BTBD16: variants seen among roughly 807,000 people sequenced by gnomAD.
BTBD16 encodes the protein BTB domain containing 16.
BTBD16 carries 66 observed loss-of-function variants against 67.4 expected under a neutral mutation model. The ratio of observed to expected loss-of-function variants is 0.98; its 90% CI spans 0.80 to 1.20. BTBD16 has a LOEUF of 1.20. Ranked by LOEUF, BTBD16 falls within the 50% of genes most tolerant of loss-of-function variation. BTBD16 has a pLI of 0.00. For missense variants in BTBD16, 634 were observed against 616.0 expected (o/e 1.03, Z -0.31); for synonymous variants, 242 against 236.4 (o/e 1.02, Z -0.22).
intron 10 of BTBD16, among the ~76,000 whole-genome samples, chr10:122,328,517 G>C (rs996918006): frequency 2.0e-5 from 3 of 152,182 alleles, no homozygotes; most frequent in Admixed American, 6.5e-5. Flanking sequence ...AAACGGTTCC[G>C]GGAAAGCTGG....
intron 13 of BTBD16, 194 bp downstream of exon 13, chr10:122,332,707 C>G: frequency 4.3e-6 from 3 of 693,902 alleles, no homozygotes; most frequent in Non-Finnish European, 5.3e-6. Context: ...GGGCCTGGGG[C>G]GGGCCATTTA....
intron 9 of BTBD16, among the ~76,000 whole-genome samples, chr10:122,303,879 C>T (rs544801064): frequency 5.9e-5 from 9 of 152,234 alleles, no homozygotes; most frequent in Middle Eastern, 3.4e-3. Flanking sequence ...GTTGCACAAA[C>T]GAATACTTTC....
intron 7 of BTBD16, chr10:122,291,581 T>TA (rs1429805110): frequency 6.2e-6 from 1 of 160,582 alleles, no homozygotes. Context: ...CTTTAAGTCA[T>TA]ACACACACAC....
Position 122,283,854 on chromosome 10 carries a change from A to G in BTBD16, c.171A>G (p.Leu57=). ...FEEALRNPDR[L]CISQIQKFFF... is the part of the protein sequence containing the mutation. ...TATATTTGCATTTTCCCTTGAGGTT[A>G]TGCATTTCACAAATCCAGAAGTTTT... Residue 57 remains leucine, a synonymous_variant, in exon 4 of 16, where the codon TTA becomes TTG. Transcript: ENST00000260723. 1.2e-6 allele frequency: 2 copies of G among 1,613,612 alleles called. No homozygotes were observed. The highest frequency in any genetic ancestry group is 2.2e-5 in the East Asian group (1 of 44,874).
At chr10:122,290,654 C>A (rs1237202456) in intron 6 of BTBD16, among the ~76,000 whole-genome samples, 1 of 152,126 alleles carries the variant, frequency 6.6e-6, no homozygotes, top group Non-Finnish European at 1.5e-5. Flanking sequence ...TTCCAAGAGT[C>A]TTTAACCTTT....
intron 10 of BTBD16, among the ~76,000 whole-genome samples, chr10:122,309,356 T>C (rs541965065): frequency 8.4e-4 from 128 of 151,880 alleles, no homozygotes; most frequent in Non-Finnish European, 9.4e-4. Context: ...GTTTTTGTTT[T>C]TTTTTTTGAG....
intron 9 of BTBD16, among the ~76,000 whole-genome samples, chr10:122,305,711 C>T (rs558289317): frequency 6.6e-6 from 1 of 152,300 alleles, no homozygotes; most frequent in South Asian, 2.1e-4. Flanking sequence ...CAACCCTATA[C>T]ATAGTTTTTC....
At chr10:122,290,111 AG>A (rs2096371192) in intron 6 of BTBD16, 113 bp downstream of exon 6, 1 of 694,642 alleles carries the variant, frequency 1.4e-6, no homozygotes, top group African/African-American at 1.8e-5. Flanking sequence ...GACAGTGTTC[AG>A]TGCTTTCTTA....
chr10:122,315,076 A>C (rs1286789462), intron 10 of BTBD16, among the ~76,000 whole-genome samples: 1 of 152,144 alleles, frequency 6.6e-6, no homozygotes, highest in Non-Finnish European at 1.5e-5. Context: ...TAGAGTTTTT[A>C]ATCACGAGTG....
rs1457983823 is a variant in BTBD16, at chr10:122,297,806, C to A, written c.629C>A (p.Thr210Asn). ...DVMIARLKPS[T>N]IKKFYEAGCK... The stretch of plus-strand genomic sequence containing the variant: ...ATGATAGCCAGACTCAAGCCAAGCA[C>A]CATCAAGAAATTCTACGAGGCCGGC... The change falls in exon 8 of 16, where the codon ACC (threonine) becomes AAC (asparagine). Residue 210 changes from threonine (T) to asparagine (N), a missense_variant. By Grantham distance (65) the Thr-to-Asn change is moderately conservative. Coordinates refer to ENST00000260723, the MANE Select transcript of BTBD16 (RefSeq NM_144587.5). 1 of 1,614,188 alleles carries A rather than the reference C, an allele frequency of 6.2e-7. No individual in the cohort carries two copies. The highest frequency in any genetic ancestry group is 1.3e-5 in the African/African-American group (1 of 75,062).
At chr10:122,304,804 C>T (rs986507828) in intron 9 of BTBD16, among the ~76,000 whole-genome samples, 10 of 152,090 alleles carry the variant, frequency 6.6e-5, no homozygotes, top group South Asian at 4.1e-4. Flanking sequence ...CTGCCCGCCT[C>T]GGCCTCCCAA....
intron 10 of BTBD16, among the ~76,000 whole-genome samples, chr10:122,316,744 G>A (rs1590084321): frequency 3.3e-5 from 5 of 151,956 alleles, no homozygotes; most frequent in Admixed American, 3.3e-4. Flanking sequence ...TGAGTGAATG[G>A]TGCGTGAATG....
At chr10:122,275,165 C>A in intron 2 of BTBD16, 66 bp downstream of exon 2, 3 of 1,493,948 alleles carry the variant, frequency 2.0e-6, no homozygotes, top group Non-Finnish European at 2.8e-6. Context: ...GTCATTTTGA[C>A]AAATTTCCAC....
At position 122,271,934 on chromosome 10, in the gene BTBD16, G is replaced by C. The variant is rs115747509; in HGVS notation, c.-43+420G>C. Among the ~76,000 whole-genome samples, 558 of 152,252 alleles carry C rather than the reference G, an allele frequency of 3.7e-3. 3 individuals carry two copies. Among genetic ancestry groups the C allele is most frequent in the African/African-American group, 0.013 (526 of 41,548 alleles). On this transcript the variant is annotated intron_variant, in intron 1 of 15. Transcript: ENST00000260723. ...GTGCTCTGTGGGCATAGCGAGTCCC[G>C]TGTGGGGTTTATTCTGTGCTGACCA...
At chr10:122,312,198 A>G (rs777275032) in intron 10 of BTBD16, among the ~76,000 whole-genome samples, 2 of 152,216 alleles carry the variant, frequency 1.3e-5, no homozygotes. Flanking sequence ...ACAGTTTTGC[A>G]AAGTGGCTGT....
chr10:122,272,645 A>C (rs999010483), intron 1 of BTBD16, among the ~76,000 whole-genome samples: 1 of 151,684 alleles, frequency 6.6e-6, no homozygotes, highest in African/African-American at 2.4e-5. Flanking sequence ...CTGGCCCCAG[A>C]TATGTTTTCA....
chr10:122,330,268 G>A (rs537769658), intron 11 of BTBD16, among the ~76,000 whole-genome samples: 1 of 152,280 alleles, frequency 6.6e-6, no homozygotes, highest in South Asian at 2.1e-4. Flanking sequence ...GTGAGGCGTG[G>A]TTGTAGGGGA....
At chr10:122,292,075 G>A (rs1399261257) in intron 7 of BTBD16, among the ~76,000 whole-genome samples, 1 of 152,210 alleles carries the variant, frequency 6.6e-6, no homozygotes, top group Non-Finnish European at 1.5e-5. Context: ...GGAGGGGTGA[G>A]ACTCAGAGCT....
intron 10 of BTBD16, among the ~76,000 whole-genome samples, chr10:122,315,091 T>A (rs1233653522): frequency 6.6e-6 from 1 of 152,234 alleles, no homozygotes; most frequent in Non-Finnish European, 1.5e-5. Context: ...CGAGTGAATC[T>A]TACCAACTTT....
Sources: allele counts gnomAD v4.1 joint callset (sites outside exome capture counted in the v4.1 genomes callset), GRCh38; gene constraint gnomAD v4.1.1; transcripts MANE v1.5; gene names NCBI Gene and HGNC (gene_info 2026-07-23, HGNC 2026-07-21).